The following HECW1 variants were observed in gnomAD, a reference collection of about 807,000 sequenced individuals.
HECW1 encodes HECT, C2 and WW domain containing E3 ubiquitin protein ligase 1.
HECW1 carries 61 observed loss-of-function variants against 182.3 expected under a neutral mutation model. The ratio of observed to expected loss-of-function variants is 0.33; its 90% CI spans 0.27 to 0.41. The LOEUF is 0.41. Ranked by LOEUF, HECW1 falls within the 10% of genes least tolerant of loss-of-function variation. The probability of loss-of-function intolerance (pLI) is 1.00; values close to 1 mark genes in which losing one functional copy is unlikely to be tolerated. For synonymous variants in HECW1, 859 were observed against 832.6 expected (o/e 1.03, Z -0.55); for missense variants, 1,739 against 2,108.9 (o/e 0.82, Z 3.44).
chr7:43,206,045 C>T (rs1024461196), intron 2 of HECW1, among the ~76,000 whole-genome samples: 1 of 152,220 alleles, frequency 6.6e-6, no homozygotes, highest in Non-Finnish European at 1.5e-5. Context: ...TATACATTGT[C>T]TGGCGCTATA....
chr7:43,221,031 T>A (rs1022467455), intron 2 of HECW1, among the ~76,000 whole-genome samples: 1 of 152,246 alleles, frequency 6.6e-6, no homozygotes, highest in Non-Finnish European at 1.5e-5. Flanking sequence ...TGCCTACCTC[T>A]GCAAGACACT....
intron 2 of HECW1, among the ~76,000 whole-genome samples, chr7:43,164,596 G>A (rs1790901565): frequency 6.6e-6 from 1 of 152,224 alleles, no homozygotes; most frequent in Non-Finnish European, 1.5e-5. Flanking sequence ...CAGGCCTCCT[G>A]AGGGTCAGGC....
At chr7:43,160,750 TAAATA>T (rs1205923536) in intron 2 of HECW1, among the ~76,000 whole-genome samples, 1 of 152,140 alleles carries the variant, frequency 6.6e-6, no homozygotes, top group African/African-American at 2.4e-5. Flanking sequence ...GGCTTACAAA[TAAATA>T]AAATGTTATT....
intron 2 of HECW1, among the ~76,000 whole-genome samples, chr7:43,130,348 C>T (rs1039238150): frequency 7.9e-5 from 12 of 152,048 alleles, no homozygotes; most frequent in African/African-American, 2.4e-4. Flanking sequence ...GTTTCATGTA[C>T]GCCTTATGCA....
In HECW1 at chr7:43,474,160, C is replaced by T. The variant is rs2078128372; in HGVS notation, c.3099+5055C>T. Among the ~76,000 whole-genome samples, 2 of 152,084 alleles carry T rather than the reference C, an allele frequency of 1.3e-5. 1 individual carries two copies. The highest frequency in any genetic ancestry group is 4.1e-4 in the South Asian group (2 of 4,822). ...ACAAAGGGGAGTTTCAATCATAATC[C>T]TTAAATGGGCCAGGCGCGGTGGCTC... On this transcript the variant is annotated intron_variant, in intron 16 of 29. Coordinates refer to ENST00000395891, the MANE Select transcript of HECW1 (RefSeq NM_015052.5).
At chr7:43,460,559 CGTGTGTGT>C (rs142785518) in intron 13 of HECW1, among the ~76,000 whole-genome samples, 4 of 149,888 alleles carry the variant, frequency 2.7e-5, no homozygotes, top group South Asian at 2.1e-4. Context: ...TGCGTGTGTG[CGTGTGTGT>C]GTGTGTGTCC....
intron 3 of HECW1, among the ~76,000 whole-genome samples, chr7:43,269,675 A>C (rs1802171052): frequency 6.6e-6 from 1 of 152,238 alleles, no homozygotes; most frequent in South Asian, 2.1e-4. Context: ...AGGAAGTAGA[A>C]AACTGGGGCA....
At chr7:43,191,586 G>A (rs1050301658) in intron 2 of HECW1, among the ~76,000 whole-genome samples, 1 of 151,892 alleles carries the variant, frequency 6.6e-6, no homozygotes, top group African/African-American at 2.4e-5. Context: ...AGCCTTTCAG[G>A]TTTCTAATTT....
At chr7:43,171,893 G>A (rs931405387) in intron 2 of HECW1, among the ~76,000 whole-genome samples, 1 of 152,082 alleles carries the variant, frequency 6.6e-6, no homozygotes, top group Non-Finnish European at 1.5e-5. Context: ...CTTGTGTGCT[G>A]TGAGCTTTAA....
At chr7:43,388,756 G>A (rs1007446861) in intron 6 of HECW1, among the ~76,000 whole-genome samples, 2 of 152,186 alleles carry the variant, frequency 1.3e-5, no homozygotes, top group Non-Finnish European at 2.9e-5. Context: ...TCGAGTAGCT[G>A]GGATTACAGG....
intron 2 of HECW1, among the ~76,000 whole-genome samples, chr7:43,205,280 T>C (rs927095395): frequency 1.3e-5 from 2 of 152,120 alleles, no homozygotes; most frequent in African/African-American, 2.4e-5. Context: ...AGGTGGTGTT[T>C]CACTATGTTG....
In HECW1 at chr7:43,444,539, A is replaced by C. The variant is rs1211386720; in HGVS notation, c.1367A>C (p.Glu456Ala). 1 of 1,611,502 alleles carries C rather than the reference A, an allele frequency of 6.2e-7. No individual in the cohort carries two copies. Among genetic ancestry groups the C allele is most frequent in the Non-Finnish European group, 8.5e-7 (1 of 1,178,972 alleles). Residue 456 changes from glutamate (E) to alanine (A), a missense_variant, in exon 11 of 30, where the codon GAA (glutamate) becomes GCA (alanine). Transcript: ENST00000395891. This position sits in a 1 kb window ranked among gnomAD's most constrained non-coding sequence, Gnocchi z 4.3. ...GACATCCAGCCTGCCCCCAGTGCAG[A>C]AGAGCTGGCCGAGCAGCTGGACCTG... ...QKDIQPAPSAEELAEQLDLGE... is the reference protein window; with the variant it reads ...QKDIQPAPSAAELAEQLDLGE...
chr7:43,288,843 A>G (rs532526072), intron 3 of HECW1, among the ~76,000 whole-genome samples: 1 of 152,324 alleles, frequency 6.6e-6, no homozygotes, highest in African/African-American at 2.4e-5. Context: ...AATTCAGCTC[A>G]AAGACAAATT....
rs189794462 is a variant in HECW1, at chr7:43,428,765, A to G, written c.802-9238A>G. Among the ~76,000 whole-genome samples the G allele has an allele frequency of 8.5e-5, 13 of 152,288 alleles. No individual in the cohort carries two copies. The East Asian group carries it at 2.5e-3, about 29-fold the overall frequency. Reference sequence around the variant, plus strand: ...CTGGGCACTCTAAAGTAGGCACAAGAAGGTCAGTTACATTGCTTATGATCA... The same window carrying G: ...CTGGGCACTCTAAAGTAGGCACAAGGAGGTCAGTTACATTGCTTATGATCA... On this transcript the variant is annotated intron_variant, in intron 8 of 29. Transcript: ENST00000395891.
At chr7:43,266,388 T>C (rs182594846) in intron 3 of HECW1, among the ~76,000 whole-genome samples, 7 of 152,326 alleles carry the variant, frequency 4.6e-5, no homozygotes, top group Non-Finnish European at 5.9e-5. Flanking sequence ...CAGGCTGGAG[T>C]GCAGTGGTGC....
chr7:43,388,973 C>T (rs943892725), intron 6 of HECW1, among the ~76,000 whole-genome samples: 1 of 152,106 alleles, frequency 6.6e-6, no homozygotes, highest in South Asian at 2.1e-4. Flanking sequence ...GTCATCCAGA[C>T]AAGAAAGGAG....
At chr7:43,258,185 C>CA (rs1418757706) in intron 3 of HECW1, among the ~76,000 whole-genome samples, 2 of 151,464 alleles carry the variant, frequency 1.3e-5, no homozygotes, top group East Asian at 1.9e-4. Context: ...ACTAAAAATA[C>CA]AAAAAAATTA....
At chr7:43,335,275 A>T (rs1254146655) in intron 5 of HECW1, among the ~76,000 whole-genome samples, 1 of 152,224 alleles carries the variant, frequency 6.6e-6, no homozygotes, top group African/African-American at 2.4e-5. Flanking sequence ...AGGCAAACTC[A>T]ATATAAAAAA....
At chr7:43,216,567 GTAC>G (rs2152699291) in intron 2 of HECW1, among the ~76,000 whole-genome samples, 1 of 152,172 alleles carries the variant, frequency 6.6e-6, no homozygotes, top group African/African-American at 2.4e-5. Context: ...ATGTTGCCTG[GTAC>G]TGCTCCCCAG....
Sources: allele counts gnomAD v4.1 joint callset (sites outside exome capture counted in the v4.1 genomes callset), GRCh38; gene constraint gnomAD v4.1.1; non-coding constraint Gnocchi (gnomAD v3.1); transcripts MANE v1.5; gene names NCBI Gene and HGNC (gene_info 2026-07-23, HGNC 2026-07-21).